The following TRAP1 variants were observed in gnomAD, a reference collection of about 807,000 sequenced individuals.
TRAP1 encodes TNF receptor associated protein 1.
TRAP1 carries 102 observed loss-of-function variants against 89.1 expected under a neutral mutation model. The observed-to-expected ratio is 1.15, with a 90% CI of 0.98 to 1.35. TRAP1 has a LOEUF of 1.35. Ranked by LOEUF, TRAP1 falls within the 40% of genes most tolerant of loss-of-function variation. The pLI is 0.00. For missense variants in TRAP1, 1,256 were observed against 945.3 expected, an observed-to-expected ratio of 1.33 and a Z score of -4.31; for synonymous variants, 508 against 388.0, an observed-to-expected ratio of 1.31 and a Z score of -3.64.
intron 13 of TRAP1, 144 bp downstream of exon 13, chr16:3,664,130 G>A: frequency 1.2e-6 from 1 of 844,436 alleles, no homozygotes; most frequent in East Asian, 3.0e-5. Context: ...GTCACAGTCG[G>A]TCCGGCCTCT....
In TRAP1 at chr16:3,685,991, G is replaced by C; in HGVS notation, c.471+5C>G. On this transcript the variant is annotated splice_donor_5th_base_variant and intron_variant, in intron 4 of 17. Transcript: ENST00000246957. ...TGCCACACGCCTGGACACTGAGGGAGGTACCTGGATGGTGATGGTGCCTTT... is the reference window on the plus strand; with the variant it reads ...TGCCACACGCCTGGACACTGAGGGACGTACCTGGATGGTGATGGTGCCTTT... 6.2e-7 allele frequency: 1 copy of C among 1,613,586 alleles called. No homozygotes were observed. The highest frequency in any genetic ancestry group is 8.5e-7 in the Non-Finnish European group (1 of 1,179,768).
chr16:3,662,901 G>C lies in TRAP1; in HGVS notation c.1775C>G (p.Ser592Trp). 2 of 1,613,436 alleles carry C rather than the reference G, an allele frequency of 1.2e-6. No individual in the cohort carries two copies. Among genetic ancestry groups the C allele is most frequent in the Non-Finnish European group, 1.7e-6 (2 of 1,179,982 alleles). Residue 592 changes from serine (S) to tryptophan (W), a missense_variant, in exon 15 of 18, where the codon TCG becomes TGG. Physicochemically the swap from Ser to Trp is radical, Grantham distance 177. Coordinates refer to ENST00000246957, the MANE Select transcript of TRAP1 (RefSeq NM_016292.3). ...CCTCACCTTCACGTTGGTGACACGC[G>C]ACCCCAGCACATTTCTCATCCAGGC... is the stretch of plus-strand genomic sequence containing the variant. ...LMAWMRNVLG[S>W]RVTNVKVTLR... is the part of the protein sequence containing the mutation.
chr16:3,703,797 C>T (rs775956124), intron 1 of TRAP1, among the ~76,000 whole-genome samples: 2 of 149,344 alleles, frequency 1.3e-5, no homozygotes, highest in Admixed American at 6.6e-5. Flanking sequence ...GGGCAGATCA[C>T]GAGGTCAGGA....
At chr16:3,674,521 C>T (rs779975834) in intron 8 of TRAP1, 27 bp from the exon 9 acceptor site, 34 of 1,610,064 alleles carry the variant, frequency 2.1e-5, no homozygotes, top group East Asian at 2.0e-4. Context: ...GCGGGGAGGG[C>T]GTCGTGTTCA....
intron 15 of TRAP1, 50 bp from the exon 16 acceptor site, chr16:3,662,182 G>C (rs1378494656): frequency 1.3e-6 from 2 of 1,576,322 alleles, no homozygotes; most frequent in East Asian, 2.3e-5. Context: ...CAATGTGAGA[G>C]GGCTGGCAGG....
At chr16:3,714,748 C>T (rs943855331) in intron 1 of TRAP1, among the ~76,000 whole-genome samples, 1 of 152,156 alleles carries the variant, frequency 6.6e-6, no homozygotes, top group Admixed American at 6.6e-5. Flanking sequence ...GAGGGCTGAG[C>T]TCATGGGTGA....
intron 2 of TRAP1, 60 bp from the exon 3 acceptor site, chr16:3,689,197 C>T (rs887179610): frequency 2.9e-5 from 40 of 1,370,446 alleles, no homozygotes; most frequent in Admixed American, 3.8e-5. Flanking sequence ...TGCAAGAATA[C>T]GCTACGTCAC....
chr16:3,663,078 G>T, intron 14 of TRAP1, 111 bp from the exon 15 acceptor site: 1 of 827,676 alleles, frequency 1.2e-6, no homozygotes, highest in South Asian at 1.7e-5. Context: ...CCAGGATGGA[G>T]ACACAAGCTA....
intron 1 of TRAP1, among the ~76,000 whole-genome samples, chr16:3,710,967 G>C (rs1422908947): frequency 6.7e-6 from 1 of 148,346 alleles, no homozygotes; most frequent in African/African-American, 2.5e-5. Context: ...ACTTCTCAAG[G>C]CTTAAGGGAG....
At chr16:3,676,421 C>T (rs1256126811) in intron 6 of TRAP1, 3 of 245,950 alleles carry the variant, frequency 1.2e-5, no homozygotes, top group Non-Finnish European at 2.3e-5. Flanking sequence ...GAAGAAGCTT[C>T]TGGGCTTACC....
At chr16:3,678,629 A>C (rs1258019283) in intron 5 of TRAP1, 1 of 152,080 alleles carries the variant, frequency 6.6e-6, no homozygotes, top group Non-Finnish European at 1.5e-5. Context: ...CGCCCAGCTA[A>C]TTTTTGTATT....
chr16:3,698,741 T>C (rs536645529), intron 1 of TRAP1, among the ~76,000 whole-genome samples: 25 of 152,058 alleles, frequency 1.6e-4, no homozygotes, highest in African/African-American at 4.3e-4. Flanking sequence ...ACCCCATCTC[T>C]ACAAAAAAAC....
In TRAP1 at chr16:3,707,635, C is replaced by T. The variant is rs371084061; in HGVS notation, c.88+9786G>A. ...TTGGGAGGCTGAGGTGGGTGGATCG[C>T]CTGAGGTCAGGAGTTCGAGACCAGC... On this transcript the variant is annotated intron_variant, in intron 1 of 17. Coordinates refer to ENST00000246957, the MANE Select transcript of TRAP1 (RefSeq NM_016292.3). 1.7e-4 allele frequency among the ~76,000 whole-genome samples: 26 copies of T among 151,026 alleles called. No individual in the cohort carries two copies. The East Asian group carries it at 4.8e-3, about 28-fold the overall frequency.
chr16:3,682,583 G>C (rs1406376732), intron 4 of TRAP1, among the ~76,000 whole-genome samples: 1 of 152,096 alleles, frequency 6.6e-6, no homozygotes, highest in Non-Finnish European at 1.5e-5. Flanking sequence ...AGCAGAGACA[G>C]GGTTTCACCA....
At chr16:3,668,933 A>T (rs2050874096) in intron 11 of TRAP1, among the ~76,000 whole-genome samples, 1 of 152,208 alleles carries the variant, frequency 6.6e-6, no homozygotes, top group African/African-American at 2.4e-5. Flanking sequence ...GCCCGCAGGG[A>T]CGCCAGGAGC....
intron 14 of TRAP1, 49 bp from the exon 15 acceptor site, chr16:3,663,016 C>T (rs778115978): frequency 5.5e-5 from 81 of 1,475,966 alleles, no homozygotes; most frequent in Admixed American, 1.8e-4. Flanking sequence ...CCCAACTCCC[C>T]GGCTTCCATG....
At chr16:3,680,016 G>C (rs2051054029) in intron 4 of TRAP1, 1 of 497,878 alleles carries the variant, frequency 2.0e-6, no homozygotes, top group South Asian at 2.3e-5. Flanking sequence ...GATCACTTGA[G>C]GCCAGGAGTT....
At chr16:3,669,609 C>T (rs1419658806) in intron 11 of TRAP1, among the ~76,000 whole-genome samples, 1 of 151,848 alleles carries the variant, frequency 6.6e-6, no homozygotes, top group Non-Finnish European at 1.5e-5. Flanking sequence ...CCGAGGCAGG[C>T]AGATCACAAG....
intron 1 of TRAP1, among the ~76,000 whole-genome samples, chr16:3,702,130 G>A (rs948568404): frequency 6.7e-6 from 1 of 149,456 alleles, no homozygotes; most frequent in East Asian, 1.9e-4. Flanking sequence ...CTCGGGCGGG[G>A]GAAAATATGA....
Sources: gnomAD v4.1 joint callset for allele counts (sites outside exome capture counted in the v4.1 genomes callset) on GRCh38, gnomAD v4.1.1 for gene constraint, MANE v1.5 for transcripts, NCBI Gene and HGNC (gene_info 2026-07-23, HGNC 2026-07-21) for gene names.